The following DDX60 variants were observed in gnomAD, a reference collection of about 807,000 sequenced individuals.
DDX60 encodes the protein probable ATP-dependent RNA helicase DDX60.
DDX60 carries 165 observed loss-of-function variants against 212.8 expected under a neutral mutation model. The observed-to-expected ratio is 0.78, with a 90% confidence interval of 0.68 to 0.88. The LOEUF is 0.88. DDX60 is among the 40% of genes least tolerant of loss of function. The pLI is 0.00. For missense variants in DDX60, 1,905 were observed against 2,003.9 expected, an observed-to-expected ratio of 0.95 and a Z score of 0.94; for synonymous variants, 703 against 685.3, an observed-to-expected ratio of 1.03 and a Z score of -0.40.
intron 18 of DDX60, 118 bp from the exon 19 acceptor site, chr4:168,272,256 T>C (rs2149519269): frequency 1.4e-6 from 1 of 734,634 alleles, no homozygotes; most frequent in East Asian, 2.8e-5. Flanking sequence ...ATAATTGGCA[T>C]ATAACATTGC....
chr4:168,279,520 G>T (rs2149524789), intron 14 of DDX60, among the ~76,000 whole-genome samples: 1 of 152,298 alleles, frequency 6.6e-6, no homozygotes, highest in East Asian at 1.9e-4. Context: ...TATTGCTGAT[G>T]CAATAACACT....
chr4:168,268,643 G>A (rs1049525833), intron 20 of DDX60, among the ~76,000 whole-genome samples: 1 of 152,062 alleles, frequency 6.6e-6, no homozygotes, highest in Non-Finnish European at 1.5e-5. Flanking sequence ...CTCAATTGTA[G>A]ATCTAGGTGG....
intron 30 of DDX60, among the ~76,000 whole-genome samples, chr4:168,242,879 A>G (rs1269903617): frequency 1.3e-5 from 2 of 152,138 alleles, no homozygotes; most frequent in African/African-American, 4.8e-5. Context: ...CCCAAATCCC[A>G]TCTTGAATTG....
At position 168,224,357 on chromosome 4, in the gene DDX60, A is replaced by G. The variant is rs1024763401; in HGVS notation, c.4710T>C (p.Ser1570=). 2 of 1,611,852 alleles carry G rather than the reference A, an allele frequency of 1.2e-6. No homozygotes were observed. Among genetic ancestry groups the G allele is most frequent in the African/African-American group, 2.7e-5 (2 of 74,810 alleles). The change falls in exon 35 of 38, where the codon TCT becomes TCC. Residue 1570 remains serine (S), a synonymous_variant. Coordinates refer to ENST00000393743, the MANE Select transcript of DDX60 (RefSeq NM_017631.6). ...IKFTGKECED[S]QLVSHLMSCK... is the part of the protein sequence containing the mutation. ...AGCTCATCAAATGAGATACGAGTTG[A>G]GAGTCTTCACATTCTTTACCTGTGA... is the stretch of plus-strand genomic sequence containing the variant.
chr4:168,310,945 T>C (rs1330524844), intron 3 of DDX60, 53 bp downstream of exon 3: 1 of 1,098,732 alleles, frequency 9.1e-7, no homozygotes, highest in Non-Finnish European at 1.4e-6. Context: ...CAAATAGACA[T>C]ACAGGGAACA....
rs2149525556 is a variant in DDX60 at position 168,280,569 on chromosome 4, C to T, written c.1744G>A (p.Ala582Thr). The change falls in exon 14 of 38, where the codon GCT becomes ACT. Residue 582 changes from alanine (A) to threonine (T), a missense_variant. Ala to Thr is a moderately conservative substitution (Grantham distance 58). Coordinates refer to ENST00000393743, the MANE Select transcript of DDX60 (RefSeq NM_017631.6). ...AATAACCTTTTCTTATTCTCTCTAG[C>T]AATTATTTCAGCCTTGGTCTCCTGC... ...KAHETKAEII[A>T]RENKKRLFAR... 1 of 1,612,008 alleles carries T rather than the reference C, an allele frequency of 6.2e-7. No individual in the cohort carries two copies. Among genetic ancestry groups the T allele is most frequent in the Non-Finnish European group, 8.5e-7 (1 of 1,179,422 alleles).
intron 33 of DDX60, among the ~76,000 whole-genome samples, chr4:168,235,381 T>C (rs17053820): frequency 0.022 from 3,391 of 152,164 alleles, 56 homozygotes; most frequent in Middle Eastern, 0.041. Context: ...AGTGTATTTT[T>C]ATCATGAGCT....
At chr4:168,220,850 C>T in intron 36 of DDX60, 133 bp from the exon 37 acceptor site, 1 of 433,570 alleles carries the variant, frequency 2.3e-6, no homozygotes, top group Non-Finnish European at 4.0e-6. Flanking sequence ...ATTATTTCTG[C>T]CACAGACTCC....
intron 33 of DDX60, among the ~76,000 whole-genome samples, chr4:168,233,070 A>C (rs1733510719): frequency 6.6e-6 from 1 of 152,162 alleles, no homozygotes; most frequent in African/African-American, 2.4e-5. Context: ...CAATTCTCAA[A>C]AGAAAATATA....
intron 6 of DDX60, among the ~76,000 whole-genome samples, chr4:168,302,076 C>T (rs1450076471): frequency 6.6e-6 from 1 of 152,132 alleles, no homozygotes. Context: ...AGCAAAGAGA[C>T]ATGAGTGGAA....
At chr4:168,246,281 G>A (rs984116646) in intron 30 of DDX60, 137 bp downstream of exon 30, 7 of 982,880 alleles carry the variant, frequency 7.1e-6, no homozygotes, top group South Asian at 3.4e-5. Context: ...AATTCTATAC[G>A]ATTCAAGACA....
intron 1 of DDX60, among the ~76,000 whole-genome samples, chr4:168,314,369 CA>C (rs1297628333): frequency 2.0e-5 from 3 of 151,752 alleles, no homozygotes; most frequent in Non-Finnish European, 4.4e-5. Context: ...ACATTTGAGG[CA>C]CACAAAAAAA....
intron 8 of DDX60, among the ~76,000 whole-genome samples, chr4:168,288,968 A>C (rs1735976207): frequency 6.6e-6 from 1 of 152,198 alleles, no homozygotes; most frequent in South Asian, 2.1e-4. Context: ...TCAGGCATGG[A>C]GTATGGGAAA....
intron 11 of DDX60, among the ~76,000 whole-genome samples, 163 bp downstream of exon 11, chr4:168,285,230 A>G (rs1656548701): frequency 6.6e-6 from 1 of 152,238 alleles, no homozygotes; most frequent in African/African-American, 2.4e-5. Flanking sequence ...TTTACATAGT[A>G]ATGGCCAAAA....
chr4:168,268,998 C>G, intron 19 of DDX60, 29 bp from the exon 20 acceptor site: 1 of 1,249,408 alleles, frequency 8.0e-7, no homozygotes, highest in Non-Finnish European at 1.1e-6. Context: ...AAAATCTCAA[C>G]TGAAAAGTTG....
upstream of DDX60, among the ~76,000 whole-genome samples, chr4:168,320,433 T>C (rs1204305251): frequency 1.3e-5 from 2 of 152,030 alleles, no homozygotes; most frequent in African/African-American, 4.8e-5. Context: ...AGTCTGGTGG[T>C]CTCTAGAAAC....
intron 33 of DDX60, among the ~76,000 whole-genome samples, chr4:168,228,536 T>C (rs1733336775): frequency 6.6e-6 from 1 of 152,036 alleles, no homozygotes; most frequent in African/African-American, 2.4e-5. Flanking sequence ...CTTTTAGCTG[T>C]TACCCCAGAG....
At chr4:168,247,258 C>A (rs1224462279) in intron 29 of DDX60, among the ~76,000 whole-genome samples, 1 of 152,060 alleles carries the variant, frequency 6.6e-6, no homozygotes. Context: ...GAACTCAAAC[C>A]CTGACATTTC....
At chr4:168,235,599 C>T (rs948593135) in intron 33 of DDX60, among the ~76,000 whole-genome samples, 1 of 152,006 alleles carries the variant, frequency 6.6e-6, no homozygotes, top group Non-Finnish European at 1.5e-5. Context: ...AAAATATATA[C>T]TAATTCTTTT....
Sources: allele counts gnomAD v4.1 joint callset (sites outside exome capture counted in the v4.1 genomes callset), GRCh38; gene constraint gnomAD v4.1.1; transcripts MANE v1.5; gene names NCBI Gene and HGNC (gene_info 2026-07-23, HGNC 2026-07-21).